RAPGEFL1: variants seen among roughly 807,000 people sequenced by gnomAD.
RAPGEFL1 encodes the protein rap guanine nucleotide exchange factor-like 1.
RAPGEFL1 carries 31 observed loss-of-function variants against 64.4 expected under a neutral mutation model. That is an observed-to-expected ratio of 0.48 (90% CI 0.36 to 0.65). The LOEUF (loss-of-function observed/expected upper bound fraction) is 0.65. RAPGEFL1 is among the 30% of genes least tolerant of loss of function. The pLI, the probability that RAPGEFL1 is intolerant of heterozygous loss-of-function variation, is 0.00. For synonymous variants in RAPGEFL1, 331 were observed against 274.1 expected (o/e 1.21, Z -2.05); for missense variants, 682 against 677.4 (o/e 1.01, Z -0.08).
At chr17:40,184,483 C>A (rs1989998854) in intron 3 of RAPGEFL1, 98 bp from the exon 4 acceptor site, 2 of 1,131,926 alleles carry the variant, frequency 1.8e-6, no homozygotes, top group African/African-American at 1.6e-5. Context: ...ATATGGCTCT[C>A]CTGTGCTTAA....
Position 40,191,420 on chromosome 17 carries a change from C to T in RAPGEFL1, c.1440C>T (p.Ala480=), listed in dbSNP as rs368978977. Residue 480 remains alanine, a synonymous_variant, in exon 9 of 15, where the codon GCC becomes GCT. Coordinates refer to ENST00000620260, the MANE Select transcript of RAPGEFL1 (RefSeq NM_016339.6). This position sits in a 1 kb window ranked among gnomAD's most constrained non-coding sequence, Gnocchi z 5.1. The stretch of plus-strand genomic sequence containing the variant: ...GCAGCGAGGTCACGCACTGGGTGGC[C>T]ACCGAAGTGCTGCTCTGCGAGGCCC... ...QRCSEVTHWV[A]TEVLLCEAPG... 3.1e-4 allele frequency: 494 copies of T among 1,605,216 alleles called. 3 individuals are homozygous for T. Among genetic ancestry groups the T allele is most frequent in the African/African-American group, 2.4e-3 (177 of 74,634 alleles).
rs770273075 is a variant in RAPGEFL1 at position 40,181,388 on chromosome 17, C to A, written c.521-228C>A. The A allele has an allele frequency of 1.6e-5, 10 of 642,654 alleles. 1 individual carries two copies. The highest frequency in any genetic ancestry group is 1.5e-4 in the South Asian group (10 of 66,250). 39.8% of individuals were successfully genotyped at this position (642,654 alleles called of 1,614,324 possible). A position where few individuals can be genotyped will look rare whatever the true frequency, so the allele number is the denominator to read the frequency against. Reference sequence around the variant, plus strand: ...GGCCATCAAAGGCACGCGCCCCCCCCTTCCCTTCAGCTGCCTTGGCAGCTG... The same window carrying A: ...GGCCATCAAAGGCACGCGCCCCCCCATTCCCTTCAGCTGCCTTGGCAGCTG... On this transcript the variant is annotated intron_variant, in intron 1 of 14. Coordinates refer to ENST00000620260, the MANE Select transcript of RAPGEFL1 (RefSeq NM_016339.6).
intron 8 of RAPGEFL1, 120 bp downstream of exon 8, chr17:40,190,882 C>A: frequency 6.9e-7 from 1 of 1,449,782 alleles, no homozygotes; most frequent in Non-Finnish European, 9.3e-7. Flanking sequence ...CCTTGGGCAA[C>A]GCATGGCCGT....
In RAPGEFL1 at chr17:40,178,065, C is replaced by A; in HGVS notation, c.204C>A (p.Leu68=). 1 of 603,454 alleles carries A rather than the reference C, an allele frequency of 1.7e-6. No individual in the cohort carries two copies. Among genetic ancestry groups the A allele is most frequent in the Admixed American group, 2.8e-5 (1 of 35,852 alleles). The allele number at this position is 603,454 out of a possible 1,614,324, so 37.4% of individuals were successfully genotyped here. A position where few individuals can be genotyped will look rare whatever the true frequency, so the allele number is the denominator to read the frequency against. ...SVSRLLLPAF[L]REPPAEPGLE... is the part of the protein sequence containing the mutation. ...CTCGCCTGCTGCTCCCCGCTTTCCT[C>A]CGGGAGCCCCCCGCCGAGCCGGGGC... is the stretch of plus-strand genomic sequence containing the variant. The change falls in exon 1 of 15, where the codon CTC becomes CTA. Residue 68 remains leucine (L), a synonymous_variant. Coordinates refer to ENST00000620260, the MANE Select transcript of RAPGEFL1 (RefSeq NM_016339.6).
intron 1 of RAPGEFL1, among the ~76,000 whole-genome samples, chr17:40,179,220 C>G (rs1989820937): frequency 6.6e-6 from 1 of 152,178 alleles, no homozygotes; most frequent in Admixed American, 6.6e-5. Flanking sequence ...GCATGTGGCA[C>G]CACGCCTGGC....
rs1396596492 is a variant in RAPGEFL1 at position 40,188,130 on chromosome 17, G to A, written c.834-736G>A. Among the ~76,000 whole-genome samples, 3 of 151,730 alleles carry A rather than the reference G, an allele frequency of 2.0e-5. No homozygotes were observed. In the East Asian group the frequency reaches 5.8e-4, roughly 29 times the overall value. On this transcript the variant is annotated intron_variant, in intron 4 of 14. Coordinates refer to ENST00000620260, the MANE Select transcript of RAPGEFL1 (RefSeq NM_016339.6). ...GGGTTTCACCATGTTGGCCAGGCTG[G>A]TCTTGAACTCCTGGCCTCAAGTGAT... is the stretch of plus-strand genomic sequence containing the variant.
intron 2 of RAPGEFL1, among the ~76,000 whole-genome samples, chr17:40,183,114 C>T (rs1989943707): frequency 6.6e-6 from 1 of 152,110 alleles, no homozygotes; most frequent in South Asian, 2.1e-4. Context: ...TGCCATTGCA[C>T]TCCAGCCTGG....
At chr17:40,184,775 T>A (rs2145208499) in intron 4 of RAPGEFL1, 97 bp downstream of exon 4, 1 of 713,906 alleles carries the variant, frequency 1.4e-6, no homozygotes, top group Middle Eastern at 4.0e-4. Flanking sequence ...CAATATGGAT[T>A]TGCTTGTTTG....
chr17:40,193,455 C>A (rs1178470937), intron 14 of RAPGEFL1, 38 bp downstream of exon 14: 1 of 1,610,824 alleles, frequency 6.2e-7, no homozygotes, highest in Admixed American at 1.7e-5. Context: ...ACAGATAGAG[C>A]TTTGACTGAA....
Position 40,179,782 on chromosome 17 carries a change from C to T in RAPGEFL1, c.520+1401C>T, listed in dbSNP as rs553614896. Among the ~76,000 whole-genome samples, 7 of 152,248 alleles carry T rather than the reference C, an allele frequency of 4.6e-5. No individual in the cohort carries two copies. The South Asian group carries it at 1.0e-3, about 23-fold the overall frequency. On this transcript the variant is annotated intron_variant, in intron 1 of 14. Transcript: ENST00000620260. ...GGCTTTCACACTTGCTCTCAGCCCT[C>T]GGCAGGGAACCCCAACCTAGATGTG...
chr17:40,184,002 C>T (rs182484016), intron 2 of RAPGEFL1, among the ~76,000 whole-genome samples: 2 of 152,018 alleles, frequency 1.3e-5, no homozygotes, highest in African/African-American at 4.8e-5. Context: ...CACCACCATG[C>T]CCGTCTAATT....
At chr17:40,193,051 C>T (rs1463449260) in intron 13 of RAPGEFL1, 61 bp downstream of exon 13, 15 of 1,417,948 alleles carry the variant, frequency 1.1e-5, no homozygotes, top group Admixed American at 1.7e-5. Flanking sequence ...TCCTCTCCCT[C>T]TCTCATCACC....
At chr17:40,185,519 C>CAA (rs1012933421) in intron 4 of RAPGEFL1, among the ~76,000 whole-genome samples, 38 of 36,196 alleles carry the variant, frequency 1.0e-3, no homozygotes, top group East Asian at 2.4e-3. Context: ...GTCTCCACTA[C>CAA]AAAAAAAAAA....
intron 8 of RAPGEFL1, 81 bp downstream of exon 8, chr17:40,190,843 C>T (rs972202972): frequency 1.3e-6 from 2 of 1,572,436 alleles, no homozygotes; most frequent in African/African-American, 2.7e-5. Flanking sequence ...AGCACAACGT[C>T]CTGGTTCCAA....
chr17:40,178,235 C>T lies in RAPGEFL1; in HGVS notation c.374C>T (p.Ser125Phe), dbSNP rs990241726. The T allele has an allele frequency of 3.1e-6, 2 of 636,960 alleles. No homozygotes were observed. The highest frequency in any genetic ancestry group is 4.7e-5 in the Admixed American group (2 of 42,524). 39.5% of individuals were successfully genotyped at this position (636,960 alleles called of 1,614,324 possible). The change falls in exon 1 of 15, where the codon TCC (serine) becomes TTC (phenylalanine). Residue 125 changes from serine (S) to phenylalanine (F), a missense_variant. Coordinates refer to ENST00000620260, the MANE Select transcript of RAPGEFL1 (RefSeq NM_016339.6). ...GGGGPLRSPS[S>F]YSSDELSPGE... ...GGGGGGCCCCTGCGCTCCCCTTCCT[C>T]CTACTCATCTGACGAGCTGTCCCCA...
In RAPGEFL1 at chr17:40,188,884, G is replaced by A. The variant is rs1316262832; in HGVS notation, c.852G>A (p.Gln284=). 1.2e-6 allele frequency: 2 copies of A among 1,614,006 alleles called. No individual in the cohort carries two copies. Among genetic ancestry groups the A allele is most frequent in the Non-Finnish European group, 1.7e-6 (2 of 1,180,036 alleles). ...TVELKIPEEN[Q]PPSKQVKPLF... is the part of the protein sequence containing the mutation. Reference sequence around the variant, plus strand: ...ATGCCAGGATTCCAGAGGAGAACCAGCCACCCAGCAAGCAGGTGAAGCCAC... The same window carrying A: ...ATGCCAGGATTCCAGAGGAGAACCAACCACCCAGCAAGCAGGTGAAGCCAC... Residue 284 remains glutamine, a synonymous_variant, in exon 5 of 15, where the codon CAG becomes CAA. Coordinates refer to ENST00000620260, the MANE Select transcript of RAPGEFL1 (RefSeq NM_016339.6).
intron 4 of RAPGEFL1, 37 bp downstream of exon 4, chr17:40,184,715 T>G: frequency 7.5e-7 from 1 of 1,334,484 alleles, no homozygotes; most frequent in Non-Finnish European, 1.0e-6. Flanking sequence ...AACAGGAAAG[T>G]GGTCCCCTGC....
At chr17:40,177,422 G>C (rs1461439547), upstream of RAPGEFL1, 1 of 682,774 alleles carries the variant, frequency 1.5e-6, no homozygotes, top group African/African-American at 1.8e-5. Context: ...GGGTAGGGGC[G>C]GGGACTGGGC....
chr17:40,177,343 C>T (rs542449034), upstream of RAPGEFL1: 1 of 691,724 alleles, frequency 1.4e-6, no homozygotes, highest in African/African-American at 1.8e-5. Flanking sequence ...AAGTCCCTTA[C>T]TGTTTCCCTC....
Sources: allele counts gnomAD v4.1 joint callset (sites outside exome capture counted in the v4.1 genomes callset), GRCh38; gene constraint gnomAD v4.1.1; non-coding constraint Gnocchi (gnomAD v3.1); transcripts MANE v1.5; gene names NCBI Gene and HGNC (gene_info 2026-07-23, HGNC 2026-07-21).